RIC1: variants seen among roughly 807,000 people sequenced by gnomAD.
RIC1 encodes the protein RIC1 partner of RAB6A GEF complex.
In RIC1, 88 loss-of-function variants were observed where a neutral mutation model predicts 169.0. The ratio of observed to expected loss-of-function variants is 0.52; its 90% CI spans 0.44 to 0.62. The LOEUF (loss-of-function observed/expected upper bound fraction) is 0.62, where lower values mean the gene tolerates loss of function less well. Among genes scored for constraint, RIC1 ranks in the 20% least tolerant of loss-of-function variants. The probability of loss-of-function intolerance (pLI) is 0.00; values close to 1 mark genes in which losing one functional copy is unlikely to be tolerated. For missense variants in RIC1, 1,877 were observed against 1,725.5 expected, an observed-to-expected ratio of 1.09 and a Z score of -1.56; for synonymous variants, 790 against 601.5, an observed-to-expected ratio of 1.31 and a Z score of -4.59.
chr9:5,648,975 G>A (rs959893809), intron 1 of RIC1, among the ~76,000 whole-genome samples: 1 of 151,964 alleles, frequency 6.6e-6, no homozygotes, highest in South Asian at 2.1e-4. Context: ...TTACTCTGTT[G>A]GATTGTTTCC....
chr9:5,744,120 T>C (rs1288241059), intron 10 of RIC1, among the ~76,000 whole-genome samples: 1 of 152,204 alleles, frequency 6.6e-6, no homozygotes, highest in Non-Finnish European at 1.5e-5. Flanking sequence ...TCTTTTGTTT[T>C]TTTTTAATTG....
intron 21 of RIC1, among the ~76,000 whole-genome samples, chr9:5,767,815 G>A (rs1182579848): frequency 2.6e-5 from 4 of 151,974 alleles, no homozygotes; most frequent in Non-Finnish European, 4.4e-5. Context: ...TCAAACTCCC[G>A]ACCTCAGGTG....
chr9:5,640,225 A>G (rs961710383), intron 1 of RIC1, among the ~76,000 whole-genome samples: 4 of 152,006 alleles, frequency 2.6e-5, no homozygotes, highest in African/African-American at 9.7e-5. Flanking sequence ...TGTTTTGTGT[A>G]TCTGTTGTGT....
In RIC1 at chr9:5,738,465, C is replaced by A; in HGVS notation, c.828C>A (p.Val276=). The change falls in exon 8 of 26, where the codon GTC becomes GTA. Residue 276 remains valine, a synonymous_variant. Coordinates refer to ENST00000414202, the MANE Select transcript of RIC1 (RefSeq NM_020829.4). The part of the protein sequence containing the change: ...AFGCVSGSVQ[V]YTIDNSTGAM... ...GTTTTCACAGTGGTTCTGTGCAGGTCTATACAATAGATAACAGCACTGGAG... is the reference window on the plus strand; with the variant it reads ...GTTTTCACAGTGGTTCTGTGCAGGTATATACAATAGATAACAGCACTGGAG... 1 of 1,600,356 alleles carries A rather than the reference C, an allele frequency of 6.2e-7. No homozygotes were observed. The highest frequency in any genetic ancestry group is 8.5e-7 in the Non-Finnish European group (1 of 1,175,108).
intron 3 of RIC1, among the ~76,000 whole-genome samples, chr9:5,709,332 C>A (rs1476244593): frequency 6.6e-6 from 1 of 152,160 alleles, no homozygotes; most frequent in East Asian, 1.9e-4. Flanking sequence ...ATTATTTCTA[C>A]GTGCAGACAG....
intron 7 of RIC1, among the ~76,000 whole-genome samples, chr9:5,737,943 G>C (rs1587071432): frequency 6.6e-6 from 1 of 152,032 alleles, no homozygotes; most frequent in Non-Finnish European, 1.5e-5. Context: ...ATGTTGAGTA[G>C]GCTTGAGGAA....
At chr9:5,716,889 C>G (rs2130844746) in intron 4 of RIC1, among the ~76,000 whole-genome samples, 1 of 152,268 alleles carries the variant, frequency 6.6e-6, no homozygotes, top group Admixed American at 6.5e-5. Context: ...CTCAGTTGGT[C>G]TCGAGCTCCT....
intron 1 of RIC1, among the ~76,000 whole-genome samples, chr9:5,637,460 C>G (rs1586858868): frequency 6.6e-6 from 1 of 152,124 alleles, no homozygotes; most frequent in South Asian, 2.1e-4. Context: ...CTTCATGTTC[C>G]AAACAATCCA....
intron 2 of RIC1, among the ~76,000 whole-genome samples, chr9:5,657,903 A>G (rs1819196839): frequency 6.6e-6 from 1 of 152,142 alleles, no homozygotes; most frequent in Non-Finnish European, 1.5e-5. Flanking sequence ...TTCAGTGTCC[A>G]TAACTAAAAT....
chr9:5,696,034 G>A (rs914281872), intron 3 of RIC1, among the ~76,000 whole-genome samples: 1 of 152,010 alleles, frequency 6.6e-6, no homozygotes, highest in African/African-American at 2.4e-5. Context: ...CCTCTGGATT[G>A]TTTCTTCACT....
At chr9:5,680,877 A>C (rs1311451220) in intron 2 of RIC1, among the ~76,000 whole-genome samples, 1 of 112,138 alleles carries the variant, frequency 8.9e-6, no homozygotes, top group Admixed American at 1.4e-4. Context: ...CCCAGGCTGG[A>C]GTGCAGTGGC....
At chr9:5,673,645 T>G (rs557283685) in intron 2 of RIC1, among the ~76,000 whole-genome samples, 24 of 150,800 alleles carry the variant, frequency 1.6e-4, no homozygotes, top group African/African-American at 5.6e-4. Flanking sequence ...TTCCATACTT[T>G]GGAATATCAC....
chr9:5,658,124 A>G (rs149330579), intron 2 of RIC1, among the ~76,000 whole-genome samples: 2 of 152,218 alleles, frequency 1.3e-5, no homozygotes, highest in African/African-American at 4.8e-5. Context: ...ATTTTATATT[A>G]TTTTTATTCT....
In RIC1 at chr9:5,753,653, C is replaced by T. The variant is rs1443458532; in HGVS notation, c.1602+7C>T. On this transcript the variant is annotated splice_region_variant and intron_variant, in intron 14 of 25. Coordinates refer to ENST00000414202, the MANE Select transcript of RIC1 (RefSeq NM_020829.4). ...TTTTGGAAACATTACCCAGGTTAGTCTTTTTTGAGATTAAAAACCTATTTC... is the reference window on the plus strand; with the variant it reads ...TTTTGGAAACATTACCCAGGTTAGTTTTTTTTGAGATTAAAAACCTATTTC... 7.0e-7 allele frequency: 1 copy of T among 1,430,100 alleles called. No homozygotes were observed. Among genetic ancestry groups the T allele is most frequent in the Non-Finnish European group, 9.7e-7 (1 of 1,026,726 alleles). 88.6% of individuals were successfully genotyped at this position (1,430,100 alleles called of 1,614,324 possible).
At chr9:5,663,693 A>T (rs535976737) in intron 2 of RIC1, among the ~76,000 whole-genome samples, 31 of 151,942 alleles carry the variant, frequency 2.0e-4, no homozygotes, top group Non-Finnish European at 3.8e-4. Flanking sequence ...TTATTTTGGG[A>T]TGTGTGTCTT....
chr9:5,721,633 A>G (rs1006250919), intron 6 of RIC1, among the ~76,000 whole-genome samples: 1 of 152,336 alleles, frequency 6.6e-6, no homozygotes, highest in African/African-American at 2.4e-5. Flanking sequence ...CCCATCTTTC[A>G]GCCTTCAGGC....
chr9:5,644,313 A>T (rs73390682), intron 1 of RIC1, among the ~76,000 whole-genome samples: 1 of 152,146 alleles, frequency 6.6e-6, no homozygotes, highest in Admixed American at 6.5e-5. Flanking sequence ...TTGGAATCAT[A>T]TGGTATATGG....
chr9:5,683,771 C>A (rs935739722), intron 2 of RIC1, among the ~76,000 whole-genome samples: 2 of 152,210 alleles, frequency 1.3e-5, no homozygotes, highest in East Asian at 3.9e-4. Context: ...AGGCGGGCCT[C>A]CTTGAGCTGT....
intron 19 of RIC1, among the ~76,000 whole-genome samples, chr9:5,764,663 C>G (rs1232072104): frequency 6.6e-6 from 1 of 152,138 alleles, no homozygotes; most frequent in African/African-American, 2.4e-5. Context: ...CAAGCAGAGG[C>G]CAGGTGGCCT....
Sources: allele counts gnomAD v4.1 joint callset (sites outside exome capture counted in the v4.1 genomes callset), GRCh38; gene constraint gnomAD v4.1.1; transcripts MANE v1.5; gene names NCBI Gene and HGNC (gene_info 2026-07-23, HGNC 2026-07-21).